NXPH1: variants seen among roughly 807,000 people sequenced by gnomAD.
The protein encoded by NXPH1 is neurexophilin 1, also known as neurexophilin-1.
Under a neutral mutation model 23.7 loss-of-function variants are expected in NXPH1, and 5 were observed. The ratio of observed to expected loss-of-function variants is 0.21; its 90% CI spans 0.11 to 0.44. The LOEUF is 0.44. Ranked by LOEUF, NXPH1 falls within the 20% of genes least tolerant of loss-of-function variation. The probability of loss-of-function intolerance (pLI) is 0.99; values close to 1 mark genes in which losing one functional copy is unlikely to be tolerated. For missense variants in NXPH1, 324 were observed against 321.6 expected, an observed-to-expected ratio of 1.01 and a Z score of -0.06; for synonymous variants, 144 against 122.2, an observed-to-expected ratio of 1.18 and a Z score of -1.18.
rs562155037 is a variant in NXPH1 at position 8,549,569 on chromosome 7, G to A, written c.54+113802G>A. On this transcript the variant is annotated intron_variant, in intron 2 of 2. Coordinates refer to ENST00000405863, the MANE Select transcript of NXPH1 (RefSeq NM_152745.3). ...ATTGTTTTCTTCCCCCTCTATGGAA[G>A]AGAGAATTACTTATAAACAGACCCA... 2.4e-4 allele frequency among the ~76,000 whole-genome samples: 37 copies of A among 151,596 alleles called. 1 individual carries two copies. In the South Asian group the frequency reaches 4.8e-3, roughly 20 times the overall value.
At chr7:8,594,943 A>T (rs962802484) in intron 2 of NXPH1, among the ~76,000 whole-genome samples, 1 of 152,042 alleles carries the variant, frequency 6.6e-6, no homozygotes, top group African/African-American at 2.4e-5. Context: ...CAGGAAGCAG[A>T]CACCAAAAGG....
chr7:8,667,284 G>T (rs928026710), intron 2 of NXPH1, among the ~76,000 whole-genome samples: 1 of 151,956 alleles, frequency 6.6e-6, no homozygotes, highest in Admixed American at 6.6e-5. Context: ...TCAGATGATT[G>T]TGTGTTATAC....
At chr7:8,637,081 A>G (rs1583208893) in intron 2 of NXPH1, among the ~76,000 whole-genome samples, 1 of 152,336 alleles carries the variant, frequency 6.6e-6, no homozygotes, top group East Asian at 1.9e-4. Context: ...TGGGAGCAGA[A>G]TCATGGTACT....
At chr7:8,599,488 G>T (rs753347314) in intron 2 of NXPH1, among the ~76,000 whole-genome samples, 65 of 152,052 alleles carry the variant, frequency 4.3e-4, no homozygotes, top group Non-Finnish European at 8.2e-4. Context: ...TTGGCTTAGT[G>T]TATGAGGTCT....
At chr7:8,483,982 T>TTTTTTTTTTTTTTTTTTTTTA (rs1817117929) in intron 2 of NXPH1, among the ~76,000 whole-genome samples, 1 of 151,300 alleles carries the variant, frequency 6.6e-6, no homozygotes, top group African/African-American at 2.4e-5. Context: ...TTTTTTTTTT[T>TTTTTTTTTTTTTTTTTTTTTA]AAGAAGTAGA....
chr7:8,550,048 A>G (rs1818254335), intron 2 of NXPH1, among the ~76,000 whole-genome samples: 1 of 151,648 alleles, frequency 6.6e-6, no homozygotes, highest in African/African-American at 2.4e-5. Flanking sequence ...ACAATATATC[A>G]AATGCAACCC....
Position 8,535,901 on chromosome 7 carries a change from T to C in NXPH1, c.54+100134T>C, listed in dbSNP as rs565238303. ...CCTTTTGTTCACCTGCTGTTTCCTT[T>C]GCCAGAAGCATCTCCTTTGTTCCCA... On this transcript the variant is annotated intron_variant, in intron 2 of 2. Coordinates refer to ENST00000405863, the MANE Select transcript of NXPH1 (RefSeq NM_152745.3). Among the ~76,000 whole-genome samples, 4 of 152,156 alleles carry C rather than the reference T, an allele frequency of 2.6e-5. No homozygotes were observed. In the South Asian group the frequency reaches 8.3e-4, roughly 31 times the overall value.
intron 2 of NXPH1, among the ~76,000 whole-genome samples, chr7:8,545,159 C>A (rs972246): frequency 0.24 from 36,515 of 151,356 alleles, 5,155 homozygotes; most frequent in East Asian, 0.5. Flanking sequence ...GAATATTATT[C>A]AGGGAAAGTT....
At chr7:8,479,182 T>G (rs1265841385) in intron 2 of NXPH1, among the ~76,000 whole-genome samples, 1 of 152,086 alleles carries the variant, frequency 6.6e-6, no homozygotes, top group Non-Finnish European at 1.5e-5. Flanking sequence ...AACAGCAGAT[T>G]TAATAAAATG....
At chr7:8,522,323 G>A (rs917656619) in intron 2 of NXPH1, among the ~76,000 whole-genome samples, 7 of 152,164 alleles carry the variant, frequency 4.6e-5, no homozygotes, top group Non-Finnish European at 7.4e-5. Flanking sequence ...TGTGTGCAGT[G>A]TTGACAATGC....
At position 8,751,116 on chromosome 7, in the gene NXPH1, A is replaced by C. The variant is rs367831220; in HGVS notation, c.163A>C (p.Ile55Leu). ...GACAGAAAGCAGCAAAGACTTGTCT[A>C]TCAGCCGACTCCTGTCACAGACTTT... is the stretch of plus-strand genomic sequence containing the variant. ...IWTESSKDLS[I>L]SRLLSQTFRG... Residue 55 changes from isoleucine to leucine, a missense_variant, in exon 3 of 3, where the codon ATC (isoleucine) becomes CTC (leucine). By Grantham distance (5) the Ile-to-Leu change is conservative (BLOSUM62 2). Transcript: ENST00000405863. This position sits in a 1 kb window ranked among gnomAD's most constrained non-coding sequence, Gnocchi z 4.5. The C allele has an allele frequency of 1.2e-6, 2 of 1,613,728 alleles. No homozygotes were observed. Among genetic ancestry groups the C allele is most frequent in the East Asian group, 4.5e-5 (2 of 44,900 alleles).
chr7:8,663,629 C>T (rs968837652), intron 2 of NXPH1, among the ~76,000 whole-genome samples: 1 of 152,050 alleles, frequency 6.6e-6, no homozygotes, highest in Admixed American at 6.6e-5. Context: ...TATCCCCTTA[C>T]AAAATTATTA....
At chr7:8,721,863 T>A (rs1196281815) in intron 2 of NXPH1, among the ~76,000 whole-genome samples, 2 of 152,260 alleles carry the variant, frequency 1.3e-5, no homozygotes. Flanking sequence ...TATGTGAGAC[T>A]ATGAAATAAA....
intron 2 of NXPH1, among the ~76,000 whole-genome samples, chr7:8,459,616 C>G (rs750760918): frequency 6.6e-6 from 1 of 152,168 alleles, no homozygotes; most frequent in Non-Finnish European, 1.5e-5. Context: ...CTACTAATGA[C>G]TTCAGCTTTG....
intron 2 of NXPH1, among the ~76,000 whole-genome samples, chr7:8,712,153 A>G (rs1366221466): frequency 6.6e-6 from 1 of 152,240 alleles, no homozygotes; most frequent in Non-Finnish European, 1.5e-5. Flanking sequence ...AGATTCAAGC[A>G]TCTTTATGTT....
chr7:8,751,723 C>T lies in NXPH1; in HGVS notation c.770C>T (p.Pro257Leu). ...TDYKLVQKVC[P>L]DYNYHSDTPY... ...TATAAACTGGTACAGAAAGTGTGCC[C>T]TGACTACAACTACCACAGTGACACA... The change falls in exon 3 of 3, where the codon CCT becomes CTT. Residue 257 changes from proline to leucine, a missense_variant. Coordinates refer to ENST00000405863, the MANE Select transcript of NXPH1 (RefSeq NM_152745.3). This position sits in a 1 kb window ranked among gnomAD's most constrained non-coding sequence, Gnocchi z 4.5. 1 of 1,612,642 alleles carries T rather than the reference C, an allele frequency of 6.2e-7. No homozygotes were observed. The highest frequency in any genetic ancestry group is 1.1e-5 in the South Asian group (1 of 90,846).
At chr7:8,628,379 T>TG (rs201927721) in intron 2 of NXPH1, among the ~76,000 whole-genome samples, 4,340 of 151,188 alleles carry the variant, frequency 0.029, 218 homozygotes, top group East Asian at 0.17. Flanking sequence ...TGTTTTTTTT[T>TG]TTTTTTAGAT....
At chr7:8,499,821 G>T (rs566518833) in intron 2 of NXPH1, among the ~76,000 whole-genome samples, 1 of 152,176 alleles carries the variant, frequency 6.6e-6, no homozygotes, top group African/African-American at 2.4e-5. Context: ...ACGAGCCATG[G>T]CTTTCCATAG....
chr7:8,456,630 T>C (rs1447060595), intron 2 of NXPH1, among the ~76,000 whole-genome samples: 1 of 151,650 alleles, frequency 6.6e-6, no homozygotes, highest in Non-Finnish European at 1.5e-5. Flanking sequence ...AAACGTAACT[T>C]TTTTTTTGTC....
Sources: allele counts gnomAD v4.1 joint callset (sites outside exome capture counted in the v4.1 genomes callset), GRCh38; gene constraint gnomAD v4.1.1; non-coding constraint Gnocchi (gnomAD v3.1); transcripts MANE v1.5; gene names NCBI Gene and HGNC (gene_info 2026-07-23, HGNC 2026-07-21).